ANKRD55: variants seen among roughly 807,000 people sequenced by gnomAD.
ANKRD55 encodes ankyrin repeat domain 55.
ANKRD55 carries 41 observed loss-of-function variants against 60.6 expected under a neutral mutation model. That is an observed-to-expected ratio of 0.68 (90% CI 0.53 to 0.88). ANKRD55 has a LOEUF of 0.88. ANKRD55 is among the 40% of genes least tolerant of loss of function. The pLI is 0.00. For synonymous variants in ANKRD55, 264 were observed against 290.3 expected (o/e 0.91, Z 0.92); for missense variants, 732 against 767.6 (o/e 0.95, Z 0.55).
At position 56,126,994 on chromosome 5, in the gene ANKRD55, C is replaced by T. The variant is rs777120326; in HGVS notation, c.725G>A (p.Gly242Asp). 1 of 1,613,716 alleles carries T rather than the reference C, an allele frequency of 6.2e-7. No homozygotes were observed. Among genetic ancestry groups the T allele is most frequent in the Non-Finnish European group, 8.5e-7 (1 of 1,179,810 alleles). The change falls in exon 8 of 12, where the codon GGC becomes GAC. Residue 242 changes from glycine (G) to aspartate (D), a missense_variant. Around this residue, in one of 3 missense-constraint regions of ANKRD55, gnomAD observed 597 missense variants for 607.5 expected, o/e 0.98. Transcript: ENST00000341048. ...CAGCTCATGAATAATATCGCTGAAG[C>T]CCGCTGCCGCTGCGATATGTACACA... ...KTCVHIAAAA[G>D]FSDIIHELAR... is the part of the protein sequence containing the mutation.
rs1392062267 is a variant in ANKRD55, at chr5:56,193,289, G to C, written c.59-9655C>G. Reference sequence around the variant, plus strand: ...AGACTTAGCACTGGGGAGATGCATGGAAATTATAAATGTAGAAGCAGGAGA... The same window carrying C: ...AGACTTAGCACTGGGGAGATGCATGCAAATTATAAATGTAGAAGCAGGAGA... On this transcript the variant is annotated intron_variant, in intron 2 of 11. Transcript: ENST00000341048. The C allele has an allele frequency of 2.7e-6, 3 of 1,091,316 alleles. No homozygotes were observed. The African/African-American group carries it at 4.8e-5, about 17-fold the overall frequency. 67.6% of individuals were successfully genotyped at this position (1,091,316 alleles called of 1,614,324 possible).
chr5:56,141,135 T>TTG (rs943818626), intron 7 of ANKRD55, among the ~76,000 whole-genome samples: 1 of 148,698 alleles, frequency 6.7e-6, no homozygotes, highest in African/African-American at 2.5e-5. Flanking sequence ...ACACAGTTTT[T>TTG]TTTTTTTTTT....
intron 4 of ANKRD55, 59 bp from the exon 5 acceptor site, chr5:56,170,862 C>A (rs3846521): frequency 0.14 from 206,176 of 1,460,432 alleles, 22,277 homozygotes; most frequent in African/African-American, 0.56. Flanking sequence ...CATGGTCCAA[C>A]AAACTTTCTC....
chr5:56,121,423 G>T (rs371537733), intron 8 of ANKRD55, among the ~76,000 whole-genome samples: 1 of 147,820 alleles, frequency 6.8e-6, no homozygotes, highest in Non-Finnish European at 1.5e-5. Context: ...ACTAGGTTGG[G>T]GTGCAGTGGC....
At chr5:56,198,693 T>C (rs185591872) in intron 2 of ANKRD55, among the ~76,000 whole-genome samples, 43 of 152,326 alleles carry the variant, frequency 2.8e-4, no homozygotes, top group Non-Finnish European at 1.0e-4. Context: ...TTCTTTATAG[T>C]AGGCCTGACA....
At chr5:56,206,788 G>T (rs1759521885) in intron 2 of ANKRD55, among the ~76,000 whole-genome samples, 1 of 152,200 alleles carries the variant, frequency 6.6e-6, no homozygotes, top group African/African-American at 2.4e-5. Context: ...AGGCAAAGTG[G>T]TTGAAAGGTC....
chr5:56,205,893 A>G (rs80014607), intron 2 of ANKRD55, among the ~76,000 whole-genome samples: 3,218 of 152,020 alleles, frequency 0.021, 43 homozygotes, highest in Non-Finnish European at 0.035. Context: ...GCATTCTGTC[A>G]GCTGGTCTCC....
chr5:56,149,693 G>C (rs937683364), intron 6 of ANKRD55, among the ~76,000 whole-genome samples: 2 of 152,054 alleles, frequency 1.3e-5, no homozygotes, highest in Admixed American at 6.5e-5. Flanking sequence ...ACCTTGGGAG[G>C]CTATACAATT....
intron 7 of ANKRD55, among the ~76,000 whole-genome samples, chr5:56,138,149 A>G (rs1356503259): frequency 7.6e-6 from 1 of 131,352 alleles, no homozygotes; most frequent in Non-Finnish European, 1.6e-5. Context: ...TTTTTTTGAG[A>G]CAGAGTCTTA....
At position 56,159,742 on chromosome 5, in the gene ANKRD55, G is replaced by A. The variant is rs1234516974; in HGVS notation, c.483+91C>T. The A allele has an allele frequency of 1.0e-5, 13 of 1,288,250 alleles. No homozygotes were observed. The African/African-American group carries it at 1.9e-4, about 19-fold the overall frequency. The allele number at this position is 1,288,250 out of a possible 1,614,324, so 79.8% of individuals were successfully genotyped here. On this transcript the variant is annotated intron_variant, in intron 6 of 11. Coordinates refer to ENST00000341048, the MANE Select transcript of ANKRD55 (RefSeq NM_024669.3). Reference sequence around the variant, plus strand: ...GAACCATGCCTCATGTCTCCCCGTAGCTTTTAAGAGGAAGCACAATGGTTC... The same window carrying A: ...GAACCATGCCTCATGTCTCCCCGTAACTTTTAAGAGGAAGCACAATGGTTC...
chr5:56,209,116 C>T (rs1347466893), intron 2 of ANKRD55, among the ~76,000 whole-genome samples: 1 of 152,030 alleles, frequency 6.6e-6, no homozygotes, highest in Non-Finnish European at 1.5e-5. Context: ...CACTACCAAT[C>T]TTGCTGATTT....
chr5:56,129,454 A>C (rs1258050800), intron 7 of ANKRD55, among the ~76,000 whole-genome samples: 1 of 152,142 alleles, frequency 6.6e-6, no homozygotes, highest in Non-Finnish European at 1.5e-5. Flanking sequence ...TATTCTGAAA[A>C]TGATTGGGAA....
intron 2 of ANKRD55, among the ~76,000 whole-genome samples, chr5:56,207,682 C>T (rs927484482): frequency 2.0e-5 from 3 of 152,052 alleles, no homozygotes; most frequent in Non-Finnish European, 2.9e-5. Flanking sequence ...ATGGTATAGA[C>T]GATAAAATGT....
chr5:56,191,537 T>C (rs1422300539), intron 2 of ANKRD55, among the ~76,000 whole-genome samples: 2 of 152,178 alleles, frequency 1.3e-5, no homozygotes, highest in Non-Finnish European at 2.9e-5. Flanking sequence ...GAGACTCCAG[T>C]AGTTAGAAAT....
At chr5:56,143,313 A>C (rs1412664482) in intron 7 of ANKRD55, among the ~76,000 whole-genome samples, 1 of 152,112 alleles carries the variant, frequency 6.6e-6, no homozygotes, top group Non-Finnish European at 1.5e-5. Flanking sequence ...TCTTGAGCCT[A>C]TTCTGATTTG....
chr5:56,189,013 T>C (rs1322410844), intron 2 of ANKRD55, among the ~76,000 whole-genome samples: 3 of 152,098 alleles, frequency 2.0e-5, no homozygotes, highest in Non-Finnish European at 2.9e-5. Context: ...AGGTCTATGG[T>C]CTCAATTAAA....
intron 2 of ANKRD55, among the ~76,000 whole-genome samples, chr5:56,213,099 G>A (rs1759716417): frequency 6.6e-6 from 1 of 152,096 alleles, no homozygotes; most frequent in Admixed American, 6.6e-5. Flanking sequence ...TTATGGAAAT[G>A]CATACCATAG....
intron 7 of ANKRD55, among the ~76,000 whole-genome samples, chr5:56,143,067 C>T (rs966588340): frequency 4.6e-5 from 7 of 152,204 alleles, no homozygotes; most frequent in African/African-American, 1.7e-4. Flanking sequence ...TCACAGGGTC[C>T]TGGCAGTAGC....
chr5:56,138,772 T>C (rs533687883), intron 7 of ANKRD55, among the ~76,000 whole-genome samples: 1 of 152,314 alleles, frequency 6.6e-6, no homozygotes, highest in African/African-American at 2.4e-5. Context: ...TATGACATTC[T>C]GGAAAAGGCA....
Sources: gnomAD v4.1 joint callset for allele counts (sites outside exome capture counted in the v4.1 genomes callset) on GRCh38, gnomAD v4.1.1 for gene constraint, gnomAD v4.1.1 regional missense constraint, MANE v1.5 for transcripts, NCBI Gene and HGNC (gene_info 2026-07-23, HGNC 2026-07-21) for gene names.